Variants in FAM184A observed in about 807,000 individuals in gnomAD.
The protein encoded by FAM184A is family with sequence similarity 184 member A.
Under a neutral mutation model 143.8 loss-of-function variants are expected in FAM184A, and 99 were observed. The ratio of observed to expected loss-of-function variants is 0.69; its 90% CI spans 0.58 to 0.81. The LOEUF (loss-of-function observed/expected upper bound fraction) is 0.81, where lower values mean the gene tolerates loss of function less well. Ranked by LOEUF, FAM184A falls within the 40% of genes least tolerant of loss-of-function variation. The pLI is 0.00. For synonymous variants in FAM184A, 427 were observed against 446.4 expected (o/e 0.96, Z 0.55); for missense variants, 1,217 against 1,310.5 (o/e 0.93, Z 1.10).
At chr6:118,976,162 TA>T in intron 11 of FAM184A, 118 bp from the exon 12 acceptor site, 1 of 877,370 alleles carries the variant, frequency 1.1e-6, no homozygotes, top group Non-Finnish European at 1.7e-6. Flanking sequence ...GTATGTCCAT[TA>T]AATTAATAGA....
At chr6:119,073,516 G>A (rs1375321302) in intron 1 of FAM184A, among the ~76,000 whole-genome samples, 1 of 152,188 alleles carries the variant, frequency 6.6e-6, no homozygotes, top group Non-Finnish European at 1.5e-5. Flanking sequence ...AAAGAAGAGT[G>A]CTGAGATGTG....
intron 1 of FAM184A, among the ~76,000 whole-genome samples, chr6:119,139,333 G>T (rs1228122139): frequency 6.6e-6 from 1 of 152,164 alleles, no homozygotes; most frequent in Non-Finnish European, 1.5e-5. Context: ...GGCCTCTCTG[G>T]AGCGGCTGGG....
intron 9 of FAM184A, among the ~76,000 whole-genome samples, chr6:118,984,105 G>A (rs991769111): frequency 6.4e-5 from 9 of 141,192 alleles, no homozygotes; most frequent in African/African-American, 1.0e-4. Context: ...AGCCGAGATC[G>A]CAGCACTACA....
intron 6 of FAM184A, among the ~76,000 whole-genome samples, chr6:119,009,753 T>C (rs943946420): frequency 6.6e-6 from 1 of 152,198 alleles, no homozygotes; most frequent in African/African-American, 2.4e-5. Context: ...TGTTTACTTG[T>C]TTTTGTGTCT....
At chr6:119,052,638 G>A (rs1786809639) in intron 1 of FAM184A, among the ~76,000 whole-genome samples, 1 of 152,154 alleles carries the variant, frequency 6.6e-6, no homozygotes, top group Non-Finnish European at 1.5e-5. Context: ...TCTTCTCTGT[G>A]GCCTTCAGAG....
At chr6:119,100,231 G>C (rs1056769919) in intron 1 of FAM184A, among the ~76,000 whole-genome samples, 10 of 152,110 alleles carry the variant, frequency 6.6e-5, no homozygotes, top group African/African-American at 2.4e-4. Flanking sequence ...GAAATGAAAT[G>C]GTACAGGAAA....
chr6:119,094,369 T>C (rs1033868009), intron 1 of FAM184A, among the ~76,000 whole-genome samples: 1 of 152,094 alleles, frequency 6.6e-6, no homozygotes, highest in Non-Finnish European at 1.5e-5. Flanking sequence ...AAAACTCTTA[T>C]GGCATTTCAC....
At chr6:119,080,059 C>T (rs1788016444), upstream of FAM184A, among the ~76,000 whole-genome samples, 1 of 152,186 alleles carries the variant, frequency 6.6e-6, no homozygotes. Flanking sequence ...AAATTCTAGG[C>T]ATGGAAGATT....
intron 10 of FAM184A, 38 bp from the exon 11 acceptor site, chr6:118,979,556 T>C (rs772544266): frequency 2.7e-6 from 4 of 1,501,000 alleles, no homozygotes; most frequent in Admixed American, 4.4e-5. Context: ...TGCTAGAATA[T>C]AGGAAGGAAA....
intron 1 of FAM184A, among the ~76,000 whole-genome samples, chr6:119,101,232 A>G (rs888706974): frequency 7.3e-5 from 11 of 151,358 alleles, no homozygotes; most frequent in African/African-American, 2.7e-4. Flanking sequence ...ACGCCTGGCT[A>G]ATTTTTTTTG....
chr6:119,133,654 C>T (rs1010962667), intron 1 of FAM184A, among the ~76,000 whole-genome samples: 5 of 152,000 alleles, frequency 3.3e-5, no homozygotes, highest in African/African-American at 1.2e-4. Context: ...CTTTGTTCAG[C>T]TGAAGAAGGC....
intron 1 of FAM184A, among the ~76,000 whole-genome samples, chr6:119,061,509 C>T (rs1218774740): frequency 6.7e-6 from 1 of 149,148 alleles, no homozygotes; most frequent in Non-Finnish European, 1.5e-5. Context: ...GTGTGTGCTA[C>T]CATGCCTGGC....
intron 1 of FAM184A, among the ~76,000 whole-genome samples, chr6:119,133,778 A>G (rs1380011439): frequency 2.6e-5 from 4 of 152,078 alleles, no homozygotes; most frequent in South Asian, 2.1e-4. Context: ...TCTTACAAGT[A>G]CACAGGTGCA....
intron 9 of FAM184A, among the ~76,000 whole-genome samples, chr6:118,988,241 C>T (rs1409654240): frequency 1.3e-5 from 2 of 152,142 alleles, no homozygotes; most frequent in Non-Finnish European, 2.9e-5. Flanking sequence ...CAAGAGAAAA[C>T]AAGTTGAAAA....
chr6:119,023,892 A>G, intron 2 of FAM184A, 67 bp downstream of exon 2: 10 of 1,439,878 alleles, frequency 6.9e-6, no homozygotes, highest in Non-Finnish European at 9.2e-6. Flanking sequence ...ACTGCTCTCC[A>G]GCCTACAAAA....
chr6:119,124,766 T>A (rs866367392), intron 1 of FAM184A, among the ~76,000 whole-genome samples: 403 of 151,818 alleles, frequency 2.7e-3, no homozygotes, highest in African/African-American at 9.5e-3. Context: ...TTTTTTTTTT[T>A]TATATCTTTA....
intron 1 of FAM184A, among the ~76,000 whole-genome samples, chr6:119,098,919 G>A (rs766450422): frequency 6.6e-6 from 1 of 152,148 alleles, no homozygotes; most frequent in African/African-American, 2.4e-5. Context: ...AGACCGGCCT[G>A]ACCAATATGA....
chr6:119,087,954 G>A (rs566283938), intron 1 of FAM184A, among the ~76,000 whole-genome samples: 16 of 152,268 alleles, frequency 1.1e-4, no homozygotes, highest in African/African-American at 3.9e-4. Flanking sequence ...GAAACTTAAA[G>A]ATATTACATT....
chr6:119,037,095 T>C (rs987132344), intron 1 of FAM184A, among the ~76,000 whole-genome samples: 10 of 152,200 alleles, frequency 6.6e-5, no homozygotes, highest in African/African-American at 2.4e-4. Flanking sequence ...TATTAATTTG[T>C]CCCTGAAATT....
Sources: allele counts gnomAD v4.1 joint callset (sites outside exome capture counted in the v4.1 genomes callset), GRCh38; gene constraint gnomAD v4.1.1; transcripts MANE v1.5; gene names NCBI Gene and HGNC (gene_info 2026-07-23, HGNC 2026-07-21).